GATAD2B: variants seen among roughly 807,000 people sequenced by gnomAD.
The protein encoded by GATAD2B is transcriptional repressor p66-beta.
In GATAD2B, 8 loss-of-function variants were observed where a neutral mutation model predicts 64.3. The observed-to-expected ratio is 0.12, with a 90% CI of 0.07 to 0.22. The LOEUF (loss-of-function observed/expected upper bound fraction) is 0.22. GATAD2B is among the 10% of genes least tolerant of loss of function. GATAD2B has a pLI of 1.00. For missense variants in GATAD2B, 453 were observed against 752.0 expected, an observed-to-expected ratio of 0.60 and a Z score of 4.65; for synonymous variants, 281 against 271.3, an observed-to-expected ratio of 1.04 and a Z score of -0.35.
intron 1 of GATAD2B, among the ~76,000 whole-genome samples, chr1:153,908,278 G>A (rs1230994689): frequency 6.6e-6 from 1 of 152,118 alleles, no homozygotes; most frequent in Admixed American, 6.6e-5. Flanking sequence ...AGGACTGCTT[G>A]AGCCTAGGAG....
intron 1 of GATAD2B, among the ~76,000 whole-genome samples, chr1:153,891,574 TAAAAAA>T (rs1163572311): frequency 1.0e-4 from 2 of 19,946 alleles, no homozygotes; most frequent in Admixed American, 2.4e-3. Flanking sequence ...CTGTCTCGTT[TAAAAAA>T]AAAAAAAAAA....
intron 1 of GATAD2B, among the ~76,000 whole-genome samples, chr1:153,909,363 A>G (rs936285824): frequency 2.0e-5 from 3 of 151,742 alleles, no homozygotes; most frequent in East Asian, 2.0e-4. Flanking sequence ...ACAGGCGCCC[A>G]CCACCATGAC....
intron 1 of GATAD2B, among the ~76,000 whole-genome samples, chr1:153,855,313 C>A (rs1676045653): frequency 6.6e-6 from 1 of 151,752 alleles, no homozygotes; most frequent in Non-Finnish European, 1.5e-5. Context: ...ACTGTAACTT[C>A]TGCCTCCTGG....
At chr1:153,905,633 A>C (rs1677902630) in intron 1 of GATAD2B, among the ~76,000 whole-genome samples, 1 of 151,556 alleles carries the variant, frequency 6.6e-6, no homozygotes, top group African/African-American at 2.4e-5. Flanking sequence ...TAACTACAGT[A>C]ATCAAAACAG....
At chr1:153,887,829 G>A (rs11586830) in intron 1 of GATAD2B, among the ~76,000 whole-genome samples, 44,090 of 151,962 alleles carry the variant, frequency 0.29, 6,646 homozygotes, top group Admixed American at 0.39. Flanking sequence ...GTTCATGCCT[G>A]TAATCTCAGT....
intron 1 of GATAD2B, among the ~76,000 whole-genome samples, chr1:153,872,076 G>C (rs2101930907): frequency 6.6e-6 from 1 of 152,236 alleles, no homozygotes; most frequent in South Asian, 2.1e-4. Flanking sequence ...CCAGCACTTT[G>C]AGAGGCTGCG....
At chr1:153,842,513 A>G (rs1307954564) in intron 1 of GATAD2B, among the ~76,000 whole-genome samples, 1 of 150,848 alleles carries the variant, frequency 6.6e-6, no homozygotes, top group Non-Finnish European at 1.5e-5. Context: ...TAAATATTAA[A>G]TAAGTTTATT....
chr1:153,845,054 G>C (rs1389792618), intron 1 of GATAD2B, among the ~76,000 whole-genome samples: 1 of 152,094 alleles, frequency 6.6e-6, no homozygotes, highest in African/African-American at 2.4e-5. Flanking sequence ...TATTAATATT[G>C]TAACTGCATT....
chr1:153,825,805 T>C (rs1040503976), intron 2 of GATAD2B, among the ~76,000 whole-genome samples: 5 of 152,302 alleles, frequency 3.3e-5, no homozygotes, highest in African/African-American at 1.2e-4. Context: ...GACCAGTAAG[T>C]AGACATCAAA....
At position 153,816,056 on chromosome 1, in the gene GATAD2B, CAAA is replaced by C. The variant is rs1674469115; in HGVS notation, c.1216+214_1216+216del. 1.4e-5 allele frequency among the ~76,000 whole-genome samples: 1 copy of C among 72,642 alleles called. No homozygotes were observed. Among genetic ancestry groups the C allele is most frequent in the African/African-American group, 4.7e-5 (1 of 21,372 alleles). 47.7% of individuals were successfully genotyped at this position (72,642 alleles called of 152,430 possible). Reference sequence around the variant, plus strand: ...CAACAGAGCGAGACTGCATCTCAAACAAAACACACACACACACACACACACACA... The same window carrying C: ...CAACAGAGCGAGACTGCATCTCAAACACACACACACACACACACACACACA... On this transcript the variant is annotated intron_variant, in intron 7 of 10. Transcript: ENST00000368655. The surrounding 1 kb of genome is among the most constrained non-coding windows in gnomAD (Gnocchi z 4.9).
chr1:153,893,955 T>TAA (rs57287798), intron 1 of GATAD2B, among the ~76,000 whole-genome samples: 1,026 of 68,570 alleles, frequency 0.015, 31 homozygotes, highest in South Asian at 0.021. Flanking sequence ...AGACTCCATC[T>TAA]AAAAAAAAAA....
intron 4 of GATAD2B, 74 bp downstream of exon 4, chr1:153,818,717 C>A: frequency 7.2e-7 from 1 of 1,398,332 alleles, no homozygotes; most frequent in Non-Finnish European, 9.9e-7. Context: ...CCAACTGAAC[C>A]TACCTGGGGG....
chr1:153,875,593 CA>C (rs1676798660), intron 1 of GATAD2B, among the ~76,000 whole-genome samples: 1 of 134,090 alleles, frequency 7.5e-6, no homozygotes, highest in Non-Finnish European at 1.5e-5. Context: ...TGTGTTTCAA[CA>C]AAATTTCATT....
intron 1 of GATAD2B, chr1:153,899,037 T>TA (rs1677688108): frequency 1.3e-5 from 2 of 152,136 alleles, no homozygotes; most frequent in African/African-American, 4.8e-5. Context: ...CTTTTACACT[T>TA]AGACTAAAAG....
At position 153,873,551 on chromosome 1, in the gene GATAD2B, G is replaced by A. The variant is rs540303098; in HGVS notation, c.-1-45203C>T. 7.2e-5 allele frequency among the ~76,000 whole-genome samples: 11 copies of A among 152,278 alleles called. No homozygotes were observed. The South Asian group carries it at 1.9e-3, about 26-fold the overall frequency. On this transcript the variant is annotated intron_variant, in intron 1 of 10. Transcript: ENST00000368655. ...GTCCCCTCACCATGTGATGCCCTGT[G>A]CCACTCTGGAACTCTGCAAGGTCCC...
intron 1 of GATAD2B, among the ~76,000 whole-genome samples, chr1:153,907,067 C>T (rs1274705380): frequency 6.6e-6 from 1 of 152,192 alleles, no homozygotes; most frequent in East Asian, 1.9e-4. Flanking sequence ...GTAAATGATA[C>T]AGTTACTGTG....
At position 153,816,577 on chromosome 1, in the gene GATAD2B, A is replaced by C. The variant is rs1296385229; in HGVS notation, c.912T>G (p.Ser304=). The change falls in exon 7 of 11, where the codon TCT becomes TCG. Residue 304 remains serine (S), a synonymous_variant. Coordinates refer to ENST00000368655, the MANE Select transcript of GATAD2B (RefSeq NM_020699.4). This position sits in a 1 kb window ranked among gnomAD's most constrained non-coding sequence, Gnocchi z 4.9. ...ATGTTGTACGCTGACATGGAACAGA[A>C]GAACTTGACTGCTGAAATAGATTGA... is the stretch of plus-strand genomic sequence containing the variant. ...PAINYQPQSS[S]SVPCQRTTSS... is the part of the protein sequence containing the mutation. 3.7e-6 allele frequency: 6 copies of C among 1,608,318 alleles called. No homozygotes were observed. Among genetic ancestry groups the C allele is most frequent in the Middle Eastern group, 1.7e-4 (1 of 6,052 alleles).
intron 1 of GATAD2B, among the ~76,000 whole-genome samples, chr1:153,901,966 C>G (rs577293608): frequency 2.0e-3 from 268 of 135,526 alleles, no homozygotes; most frequent in Admixed American, 3.3e-3. Flanking sequence ...AGGGGCCAAT[C>G]AGACTCCGTC....
At chr1:153,822,175 T>A (rs1179064570) in intron 2 of GATAD2B, among the ~76,000 whole-genome samples, 1 of 151,994 alleles carries the variant, frequency 6.6e-6, no homozygotes, top group Non-Finnish European at 1.5e-5. Context: ...AGCAAAACTC[T>A]GTCTCAAAAA....
Sources: gnomAD v4.1 joint callset for allele counts (sites outside exome capture counted in the v4.1 genomes callset) on GRCh38, gnomAD v4.1.1 for gene constraint, Gnocchi (gnomAD v3.1) non-coding constraint, MANE v1.5 for transcripts, NCBI Gene and HGNC (gene_info 2026-07-23, HGNC 2026-07-21) for gene names.